Variants in FAM120A observed in about 807,000 individuals in gnomAD.
FAM120A encodes family with sequence similarity 120 member A, also known as constitutive coactivator of PPAR-gamma-like protein 1.
Under a neutral mutation model 109.7 loss-of-function variants are expected in FAM120A, and 15 were observed. That is an observed-to-expected ratio of 0.14 (90% confidence interval 0.09 to 0.21). The LOEUF (loss-of-function observed/expected upper bound fraction) is 0.21. Ranked by LOEUF, FAM120A falls within the 10% of genes least tolerant of loss-of-function variation. FAM120A has a pLI of 1.00. For missense variants in FAM120A, 899 were observed against 1,439.3 expected (o/e 0.62, Z 6.07); for synonymous variants, 493 against 572.8 (o/e 0.86, Z 1.99).
intron 10 of FAM120A, among the ~76,000 whole-genome samples, chr9:93,538,387 A>T (rs1861591856): frequency 6.6e-6 from 1 of 152,190 alleles, no homozygotes; most frequent in Non-Finnish European, 1.5e-5. Flanking sequence ...CAGAAGGAAA[A>T]AAAACAGTCT....
chr9:93,549,451 T>C (rs971394451), intron 11 of FAM120A, among the ~76,000 whole-genome samples: 2 of 152,260 alleles, frequency 1.3e-5, no homozygotes, highest in Non-Finnish European at 2.9e-5. Context: ...GTAAACTTTC[T>C]ACTTTGGGCT....
At chr9:93,556,164 A>G (rs529957024) in intron 12 of FAM120A, among the ~76,000 whole-genome samples, 1 of 152,364 alleles carries the variant, frequency 6.6e-6, no homozygotes, top group South Asian at 2.1e-4. Flanking sequence ...GAGTATGTTT[A>G]TAAAATATTC....
chr9:93,527,571 C>T (rs1240842787), intron 8 of FAM120A, among the ~76,000 whole-genome samples: 1 of 150,976 alleles, frequency 6.6e-6, no homozygotes, highest in East Asian at 1.9e-4. Flanking sequence ...AACTCCCCCA[C>T]CCCCCTTTTT....
At chr9:93,464,234 A>G (rs1857915768) in intron 1 of FAM120A, among the ~76,000 whole-genome samples, 1 of 152,206 alleles carries the variant, frequency 6.6e-6, no homozygotes, top group Non-Finnish European at 1.5e-5. Flanking sequence ...TTTTTAAGTC[A>G]TTATTCTTTG....
chr9:93,557,933 C>G lies in FAM120A; in HGVS notation c.2591C>G (p.Pro864Arg). 1 of 1,609,384 alleles carries G rather than the reference C, an allele frequency of 6.2e-7. No homozygotes were observed. Among genetic ancestry groups the G allele is most frequent in the Non-Finnish European group, 8.5e-7 (1 of 1,179,902 alleles). The change falls in exon 14 of 18, where the codon CCC becomes CGC. Residue 864 changes from proline (P) to arginine (R), a missense_variant. By Grantham distance (103) the Pro-to-Arg change is moderately radical. Around this residue, in one of 11 missense-constraint regions of FAM120A, gnomAD observed 129 missense variants for 153.4 expected, o/e 0.84. Transcript: ENST00000277165. ...CCTTTCCCGCCGCCACCTGCCCTGC[C>G]CTTCTACCCTGCCTCTGCGTACCCC... ...TLPFPPPPAL[P>R]FYPASAYPRH...
chr9:93,452,606 G>A lies in FAM120A; in HGVS notation c.474+217G>A, dbSNP rs1326264245. 5.6e-6 allele frequency: 9 copies of A among 1,598,860 alleles called. No individual in the cohort carries two copies. The highest frequency in any genetic ancestry group is 1.7e-4 in the Middle Eastern group (1 of 5,970). The stretch of plus-strand genomic sequence containing the variant: ...AGCCCGTCTCCAGCTGTCCCTGTTC[G>A]GGGTCCGCGGCCGCGTGGGGACACT... On this transcript the variant is annotated intron_variant, in intron 1 of 17. Coordinates refer to ENST00000277165, the MANE Select transcript of FAM120A (RefSeq NM_014612.5). The surrounding 1 kb of genome is among the most constrained non-coding windows in gnomAD (Gnocchi z 7.0).
intron 1 of FAM120A, among the ~76,000 whole-genome samples, chr9:93,464,666 G>A (rs557627365): frequency 2.6e-5 from 4 of 152,172 alleles, no homozygotes; most frequent in Admixed American, 6.5e-5. Context: ...GGAAATGGTA[G>A]CCATGACAAA....
rs150376095 is a variant in FAM120A, at chr9:93,517,915, C to A, written c.1418+1646C>A. ...CCTGTCTTTTCTGGGTATGCACTTC[C>A]TACCTGTCTGTGAAGGTTCTGGTCA... On this transcript the variant is annotated intron_variant, in intron 7 of 17. Transcript: ENST00000277165. Among the ~76,000 whole-genome samples the A allele has an allele frequency of 5.2e-3, 787 of 152,286 alleles. 12 individuals carry two copies. Among genetic ancestry groups the A allele is most frequent in the Middle Eastern group, 0.017 (5 of 294 alleles).
At chr9:93,457,484 C>T (rs1157784790) in intron 1 of FAM120A, among the ~76,000 whole-genome samples, 1 of 152,036 alleles carries the variant, frequency 6.6e-6, no homozygotes, top group Non-Finnish European at 1.5e-5. Context: ...ATACTTAGAG[C>T]TCTAAGTCTT....
chr9:93,545,872 G>GCC (rs1275011447), intron 11 of FAM120A, among the ~76,000 whole-genome samples: 1 of 134,778 alleles, frequency 7.4e-6, no homozygotes, highest in Non-Finnish European at 1.5e-5. Flanking sequence ...TGCAACCTCT[G>GCC]CCTCCTGGGT....
chr9:93,465,268 A>T (rs1857969607), intron 1 of FAM120A, among the ~76,000 whole-genome samples: 1 of 152,208 alleles, frequency 6.6e-6, no homozygotes, highest in African/African-American at 2.4e-5. Context: ...CAGATTTTTA[A>T]CCAGGCTTTC....
chr9:93,512,165 G>GGAT (rs1180351545), intron 5 of FAM120A, among the ~76,000 whole-genome samples: 1 of 152,130 alleles, frequency 6.6e-6, no homozygotes, highest in Non-Finnish European at 1.5e-5. Context: ...TAACATTTCA[G>GGAT]GATCATATGC....
chr9:93,484,497 T>TA lies in FAM120A; in HGVS notation c.804+8160dup, dbSNP rs1163548147. ...ATACCGTGTTGGTAGTGCTGGCACTTACGGTATCTCTGGGAGAGAACTAGA... is the reference window on the plus strand; with the variant it reads ...ATACCGTGTTGGTAGTGCTGGCACTTAACGGTATCTCTGGGAGAGAACTAGA... On this transcript the variant is annotated intron_variant, in intron 3 of 17. Transcript: ENST00000277165. 2.0e-5 allele frequency among the ~76,000 whole-genome samples: 3 copies of TA among 152,276 alleles called. No individual in the cohort carries two copies. In the East Asian group the frequency reaches 5.8e-4, roughly 29 times the overall value.
chr9:93,557,678 TTAGCAAG>T (rs1270337473), intron 13 of FAM120A, 142 bp from the exon 14 acceptor site: 1 of 794,964 alleles, frequency 1.3e-6, no homozygotes, highest in Non-Finnish European at 1.9e-6. Flanking sequence ...CAAATAAACG[TTAGCAAG>T]TAGGAGAATT....
chr9:93,545,193 T>C lies in FAM120A; in HGVS notation c.2159+1722T>C, dbSNP rs372929863. On this transcript the variant is annotated intron_variant, in intron 11 of 17. Transcript: ENST00000277165. ...AGCCCCAGTTCTTCCAAGTGGGGGA[T>C]GGCATTTAGAAGCCAGGCTCTCAGA... Among the ~76,000 whole-genome samples the C allele has an allele frequency of 4.9e-3, 745 of 152,302 alleles. 8 individuals are homozygous for C. The highest frequency in any genetic ancestry group is 0.017 in the African/African-American group (712 of 41,558).
At chr9:93,486,601 T>G (rs1442879843) in intron 3 of FAM120A, among the ~76,000 whole-genome samples, 1 of 151,770 alleles carries the variant, frequency 6.6e-6, no homozygotes, top group Non-Finnish European at 1.5e-5. Flanking sequence ...TGGCATGATC[T>G]TGGCTCTCTG....
In FAM120A at chr9:93,529,254, C is replaced by A. The variant is rs187363725; in HGVS notation, c.1507-99C>A. 139 of 1,062,970 alleles carry A rather than the reference C, an allele frequency of 1.3e-4. No individual in the cohort carries two copies. The African/African-American group carries it at 1.7e-3, about 13-fold the overall frequency. The allele number at this position is 1,062,970 out of a possible 1,614,324, so 65.8% of individuals were successfully genotyped here. On this transcript the variant is annotated intron_variant, in intron 8 of 17. Transcript: ENST00000277165. Reference sequence around the variant, plus strand: ...CTCTAAGACAGGACTCATCTTTGTCCCCTCCGTGTCTGTCAGGTGAACAGG... The same window carrying A: ...CTCTAAGACAGGACTCATCTTTGTCACCTCCGTGTCTGTCAGGTGAACAGG...
chr9:93,532,772 G>A lies in FAM120A; in HGVS notation c.1909+443G>A, dbSNP rs966989929. On this transcript the variant is annotated intron_variant, in intron 10 of 17. Coordinates refer to ENST00000277165, the MANE Select transcript of FAM120A (RefSeq NM_014612.5). This position sits in a 1 kb window ranked among gnomAD's most constrained non-coding sequence, Gnocchi z 4.3. ...GGTTGGCCATGTTTGTGCTGTTGGA[G>A]TGCCACCACGCATGGCTCTGCAGCT... Among the ~76,000 whole-genome samples, 3 of 152,198 alleles carry A rather than the reference G, an allele frequency of 2.0e-5. No individual in the cohort carries two copies. Among genetic ancestry groups the A allele is most frequent in the Non-Finnish European group, 4.4e-5 (3 of 68,046 alleles).
At chr9:93,476,187 A>G (rs938676607) in intron 2 of FAM120A, 69 bp from the exon 3 acceptor site, 84 of 1,021,912 alleles carry the variant, frequency 8.2e-5, no homozygotes, top group Non-Finnish European at 1.2e-4. Flanking sequence ...GACAATATGC[A>G]GCACTTTTGA....
Sources: allele counts gnomAD v4.1 joint callset (sites outside exome capture counted in the v4.1 genomes callset), GRCh38; gene constraint gnomAD v4.1.1; regional missense constraint gnomAD v4.1.1; non-coding constraint Gnocchi (gnomAD v3.1); transcripts MANE v1.5; gene names NCBI Gene and HGNC (gene_info 2026-07-23, HGNC 2026-07-21).